NUP58: variants seen among roughly 807,000 people sequenced by gnomAD.
NUP58 encodes nucleoporin 58, also known as nucleoporin p58/p45.
In NUP58, 17 loss-of-function variants were observed where a neutral mutation model predicts 70.1. The observed-to-expected ratio is 0.24, with a 90% CI of 0.17 to 0.36. The LOEUF is 0.36. Ranked by LOEUF, NUP58 falls within the 10% of genes least tolerant of loss-of-function variation. The pLI is 1.00. For missense variants in NUP58, 644 were observed against 701.5 expected (o/e 0.92, Z 0.93); for synonymous variants, 275 against 257.6 (o/e 1.07, Z -0.65).
chr13:25,336,906 C>A, intron 13 of NUP58, 30 bp from the exon 14 acceptor site: 1 of 1,289,852 alleles, frequency 7.8e-7, no homozygotes, highest in Non-Finnish European at 1.1e-6. Context: ...GTTTTTTTTC[C>A]CCCCCATTTT....
chr13:25,335,397 A>G (rs1442431394), intron 13 of NUP58: 4 of 985,264 alleles, frequency 4.1e-6, no homozygotes, highest in African/African-American at 1.7e-5. Context: ...AGTGCCTCCT[A>G]TTAACCTGTG....
In NUP58 at chr13:25,301,834, G is replaced by T. The variant is rs1020124053; in HGVS notation, c.61G>T (p.Gly21Trp). 53 of 1,613,466 alleles carry T rather than the reference G, an allele frequency of 3.3e-5. No individual in the cohort carries two copies. The highest frequency in any genetic ancestry group is 4.4e-5 in the Non-Finnish European group (52 of 1,179,874). ...GGGCTCCACCACCGTGGCCGCCGGC[G>T]GGACCAGCACAGGCGGCGTTTTCTC... ...TLGSTTVAAG[G>W]TSTGGVFSFG... Residue 21 changes from glycine (G) to tryptophan (W), a missense_variant, in exon 1 of 16, where the codon GGG (glycine) becomes TGG (tryptophan). Around this residue, in one of 4 missense-constraint regions of NUP58, gnomAD observed 430 missense variants for 409.2 expected, o/e 1.05. Coordinates refer to ENST00000381736, the MANE Select transcript of NUP58 (RefSeq NM_014089.4).
At chr13:25,336,174 GC>G in intron 13 of NUP58, 5 of 1,363,312 alleles carry the variant, frequency 3.7e-6, no homozygotes, top group Non-Finnish European at 4.9e-6. Flanking sequence ...AAGGTACACA[GC>G]GGTGCCTTTG....
At chr13:25,313,587 G>A (rs2030779676) in intron 4 of NUP58, 27 bp from the exon 5 acceptor site, 3 of 1,432,156 alleles carry the variant, frequency 2.1e-6, no homozygotes, top group Non-Finnish European at 1.8e-6. Flanking sequence ...GTTGCCTTTT[G>A]AAAGCTTACT....
downstream of NUP58, among the ~76,000 whole-genome samples, chr13:25,343,543 C>T (rs187828419): frequency 5.4e-4 from 81 of 150,528 alleles, no homozygotes; most frequent in South Asian, 2.7e-3. Context: ...GCCTCTGCCT[C>T]CTGGGTTCAA....
intron 1 of NUP58, among the ~76,000 whole-genome samples, chr13:25,302,314 T>C (rs2137694177): frequency 6.6e-6 from 1 of 152,384 alleles, no homozygotes; most frequent in South Asian, 2.1e-4. Flanking sequence ...GTTTTGGATA[T>C]GACGGTGTTT....
chr13:25,306,894 A>G (rs1168327993), intron 1 of NUP58, among the ~76,000 whole-genome samples: 2 of 152,172 alleles, frequency 1.3e-5, no homozygotes, highest in East Asian at 1.9e-4. Flanking sequence ...TAATGAATAC[A>G]TGATCCTGAG....
chr13:25,313,847 G>T (rs986675769), intron 5 of NUP58, 96 bp downstream of exon 5: 1 of 967,288 alleles, frequency 1.0e-6, no homozygotes, highest in African/African-American at 1.7e-5. Flanking sequence ...TTTTTAATCT[G>T]CATATTTTCC....
intron 13 of NUP58, chr13:25,334,767 G>A: frequency 2.0e-6 from 2 of 984,086 alleles, no homozygotes; most frequent in South Asian, 9.4e-5. Context: ...AATTTATTCT[G>A]GAAAATATGA....
At chr13:25,321,547 G>A (rs939729635) in intron 9 of NUP58, among the ~76,000 whole-genome samples, 5 of 152,046 alleles carry the variant, frequency 3.3e-5, no homozygotes, top group African/African-American at 7.3e-5. Flanking sequence ...TTTAACTGTC[G>A]GTTTTTAAAT....
chr13:25,319,064 G>A (rs574407649), intron 6 of NUP58, among the ~76,000 whole-genome samples: 13 of 152,244 alleles, frequency 8.5e-5, no homozygotes, highest in African/African-American at 3.1e-4. Context: ...AGTTCATGAC[G>A]AGGGTTGAGA....
At chr13:25,343,891 T>TGTTAC (rs147109739), downstream of NUP58, among the ~76,000 whole-genome samples, 1 of 20,750 alleles carries the variant, frequency 4.8e-5, no homozygotes, top group Non-Finnish European at 9.0e-5. Flanking sequence ...AACTATTCTC[T>TGTTAC]GGATGGTTAG....
intron 14 of NUP58, 33 bp downstream of exon 14, chr13:25,337,067 CTATTATA>C (rs777113687): frequency 7.0e-7 from 1 of 1,424,038 alleles, no homozygotes; most frequent in Non-Finnish European, 9.7e-7. Flanking sequence ...TTTCATTGAA[CTATTATA>C]TATTTGAATT....
chr13:25,306,192 T>C (rs1465061472), intron 1 of NUP58, among the ~76,000 whole-genome samples: 4 of 151,956 alleles, frequency 2.6e-5, no homozygotes, highest in Non-Finnish European at 2.9e-5. Flanking sequence ...GATCACGAGG[T>C]CAGGAGATTG....
Position 25,340,583 on chromosome 13 carries a change from T to C in NUP58, c.*449T>C, listed in dbSNP as rs547547893. ...CTGCAGGGCATCTTGTGAATATGTA[T>C]GTAAATATATACAGAATAATACACA... On this transcript the variant is annotated 3_prime_UTR_variant, in exon 16 of 16. Coordinates refer to ENST00000381736, the MANE Select transcript of NUP58 (RefSeq NM_014089.4). 6.5e-6 allele frequency: 1 copy of C among 153,062 alleles called. No individual in the cohort carries two copies. Among genetic ancestry groups the C allele is most frequent in the Admixed American group, 6.5e-5 (1 of 15,322 alleles). 9.5% of individuals were successfully genotyped at this position (153,062 alleles called of 1,614,324 possible). A position where few individuals can be genotyped will look rare whatever the true frequency, so the allele number is the denominator to read the frequency against.
Position 25,313,648 on chromosome 13 carries a change from G to A in NUP58, c.471G>A (p.Gly157=). ...GATTTACTCTAAATAATTTGGGTGGGACAACAGCCACAACTACAACTGCAT... is the reference window on the plus strand; with the variant it reads ...GATTTACTCTAAATAATTTGGGTGGAACAACAGCCACAACTACAACTGCAT... ...STGFTLNNLG[G]TTATTTTAST... The change falls in exon 5 of 16, where the codon GGG becomes GGA. Residue 157 remains glycine, a synonymous_variant. Coordinates refer to ENST00000381736, the MANE Select transcript of NUP58 (RefSeq NM_014089.4). 1 of 1,525,000 alleles carries A rather than the reference G, an allele frequency of 6.6e-7. No individual in the cohort carries two copies. Among genetic ancestry groups the A allele is most frequent in the South Asian group, 1.3e-5 (1 of 75,366 alleles). The allele number at this position is 1,525,000 out of a possible 1,614,324, so 94.5% of individuals were successfully genotyped here. A position where few individuals can be genotyped will look rare whatever the true frequency, so the allele number is the denominator to read the frequency against.
At chr13:25,338,601 T>A in intron 14 of NUP58, 35 bp from the exon 15 acceptor site, 1 of 1,465,304 alleles carries the variant, frequency 6.8e-7, no homozygotes, top group Middle Eastern at 1.7e-4. Flanking sequence ...GTGTTTTATG[T>A]GCCATTGTAT....
rs915938671 is a variant in NUP58, at chr13:25,340,085, T to A, written c.1751T>A (p.Leu584His). 1.9e-6 allele frequency: 3 copies of A among 1,613,468 alleles called. No homozygotes were observed. The highest frequency in any genetic ancestry group is 3.3e-5 in the Admixed American group (2 of 59,848). Residue 584 changes from leucine (L) to histidine (H), a missense_variant, in exon 16 of 16, where the codon CTC (leucine) becomes CAC (histidine). Leu to His is a moderately conservative substitution (Grantham distance 99). Coordinates refer to ENST00000381736, the MANE Select transcript of NUP58 (RefSeq NM_014089.4). ...GCAGGTTTTGGAACAGGAGGACAAC[T>A]CCTTCAGTTGAAGAAACCTCCAGCT... ...ASAGFGTGGQ[L>H]LQLKKPPAGN...
chr13:25,325,382 A>G (rs1242810397), intron 10 of NUP58, among the ~76,000 whole-genome samples: 1 of 152,198 alleles, frequency 6.6e-6, no homozygotes, highest in African/African-American at 2.4e-5. Context: ...ACCATTATTC[A>G]TTTAAATAGG....
Sources: allele counts gnomAD v4.1 joint callset (sites outside exome capture counted in the v4.1 genomes callset), GRCh38; gene constraint gnomAD v4.1.1; regional missense constraint gnomAD v4.1.1; transcripts MANE v1.5; gene names NCBI Gene and HGNC (gene_info 2026-07-23, HGNC 2026-07-21).